NR5A2: variants seen among roughly 807,000 people sequenced by gnomAD.
The protein encoded by NR5A2 is CYP7A promoter-binding factor.
Under a neutral mutation model 62.7 loss-of-function variants are expected in NR5A2, and 26 were observed. That is an observed-to-expected ratio of 0.41 (90% CI 0.30 to 0.58). NR5A2 has a LOEUF of 0.58. NR5A2 is among the 20% of genes least tolerant of loss of function. NR5A2 has a pLI of 0.22. For missense variants in NR5A2, 541 were observed against 669.1 expected (o/e 0.81, Z 2.11); for synonymous variants, 246 against 241.7 (o/e 1.02, Z -0.16).
intron 5 of NR5A2, among the ~76,000 whole-genome samples, chr1:200,095,299 T>C (rs1665033925): frequency 6.6e-6 from 1 of 151,914 alleles, no homozygotes; most frequent in Non-Finnish European, 1.5e-5. Context: ...TTTTGAGTAA[T>C]TGAAATAGCA....
At chr1:200,036,165 C>A (rs530603267) in intron 1 of NR5A2, among the ~76,000 whole-genome samples, 1 of 152,196 alleles carries the variant, frequency 6.6e-6, no homozygotes, top group Non-Finnish European at 1.5e-5. Context: ...CCCGGTTCCA[C>A]CTACTTACAT....
At chr1:200,111,828 T>G (rs1179690708) in intron 6 of NR5A2, among the ~76,000 whole-genome samples, 2 of 152,118 alleles carry the variant, frequency 1.3e-5, no homozygotes, top group East Asian at 1.9e-4. Flanking sequence ...AAATGAAAGA[T>G]AGAGAGAATA....
intron 5 of NR5A2, among the ~76,000 whole-genome samples, chr1:200,096,519 A>AT (rs2102265189): frequency 6.6e-6 from 1 of 152,276 alleles, no homozygotes; most frequent in South Asian, 2.1e-4. Flanking sequence ...CTGTCTACAC[A>AT]AGCAGAAACT....
intron 7 of NR5A2, among the ~76,000 whole-genome samples, chr1:200,128,485 C>T (rs538012215): frequency 6.6e-6 from 1 of 152,292 alleles, no homozygotes; most frequent in African/African-American, 2.4e-5. Context: ...GGACCATTCA[C>T]TAGACATTAG....
intron 5 of NR5A2, chr1:200,058,381 A>G (rs558382583): frequency 1.3e-5 from 2 of 152,314 alleles, no homozygotes; most frequent in South Asian, 2.1e-4. Flanking sequence ...CCTCTTTACC[A>G]TATTCCAACA....
intron 7 of NR5A2, among the ~76,000 whole-genome samples, chr1:200,166,183 A>C (rs561057559): frequency 2.0e-5 from 3 of 152,306 alleles, no homozygotes; most frequent in African/African-American, 7.2e-5. Flanking sequence ...AGTGGTTTTC[A>C]AACATTTTTG....
chr1:200,155,681 T>A (rs7545191), intron 7 of NR5A2, among the ~76,000 whole-genome samples: 10,474 of 137,942 alleles, frequency 0.076, 414 homozygotes, highest in South Asian at 0.11. Flanking sequence ...AATAAAAAAA[T>A]TTTTTTTTTT....
chr1:200,161,026 G>C (rs1468990999), intron 7 of NR5A2, among the ~76,000 whole-genome samples: 1 of 151,886 alleles, frequency 6.6e-6, no homozygotes, highest in African/African-American at 2.4e-5. Flanking sequence ...AGGGAGGGCT[G>C]CTCTTTACGA....
chr1:200,034,572 T>C (rs1390568600), intron 1 of NR5A2, among the ~76,000 whole-genome samples: 2 of 105,996 alleles, frequency 1.9e-5, no homozygotes, highest in African/African-American at 7.5e-5. Context: ...CCTCCTTTCC[T>C]CTGGGGCAAG....
intron 5 of NR5A2, among the ~76,000 whole-genome samples, chr1:200,103,811 A>C (rs1665511551): frequency 6.6e-6 from 1 of 152,216 alleles, no homozygotes; most frequent in South Asian, 2.1e-4. Context: ...ATTTTCGAAG[A>C]GAAGTCTAGG....
chr1:200,031,571 CTTT>C (rs530174677), intron 1 of NR5A2, among the ~76,000 whole-genome samples: 1,408 of 89,490 alleles, frequency 0.016, 24 homozygotes, highest in African/African-American at 0.058. Context: ...TCTTTAACAC[CTTT>C]TTTTTTTTTT....
rs1411762345 is a variant in NR5A2, at chr1:200,120,843, C to T, written c.1266C>T (p.Ala422=). ...DYSIIASQAG[A]TLNNLMSHAQ... Reference sequence around the variant, plus strand: ...CCATAATAGCATCACAAGCCGGAGCCACCCTCAACAACCTCATGAGTCATG... The same window carrying T: ...CCATAATAGCATCACAAGCCGGAGCTACCCTCAACAACCTCATGAGTCATG... Residue 422 remains alanine (A), a synonymous_variant, in exon 7 of 8, where the codon GCC becomes GCT. Coordinates refer to ENST00000367362, the MANE Select transcript of NR5A2 (RefSeq NM_205860.3). 1.3e-6 allele frequency: 2 copies of T among 1,586,360 alleles called. No individual in the cohort carries two copies. Among genetic ancestry groups the T allele is most frequent in the Non-Finnish European group, 1.7e-6 (2 of 1,168,946 alleles).
intron 7 of NR5A2, among the ~76,000 whole-genome samples, chr1:200,137,680 G>T (rs1005938246): frequency 2.6e-5 from 4 of 152,076 alleles, no homozygotes; most frequent in African/African-American, 9.7e-5. Flanking sequence ...ATTTGTGTAC[G>T]TTTTTAAGTA....
rs16846101 is a variant in NR5A2 at position 200,141,934 on chromosome 1, C to T, written c.1378+20979C>T. On this transcript the variant is annotated intron_variant, in intron 7 of 7. Transcript: ENST00000367362. ...GGTGTCTGAGTATACCGGAAGTGCA[C>T]ATCCAATTAGAGGGCACTGAAGAAT... Among the ~76,000 whole-genome samples the T allele has an allele frequency of 0.027, 4,039 of 152,204 alleles. 272 individuals carry two copies. In the East Asian group the frequency reaches 0.29, roughly 11 times the overall value.
chr1:200,173,363 T>C (rs1410247574), intron 7 of NR5A2, among the ~76,000 whole-genome samples: 1 of 152,220 alleles, frequency 6.6e-6, no homozygotes, highest in East Asian at 1.9e-4. Flanking sequence ...GTCACCAAGA[T>C]ATATATTTTA....
rs189343596 is a variant in NR5A2 at position 200,055,252 on chromosome 1, A to G, written c.1110+6434A>G. On this transcript the variant is annotated intron_variant, in intron 5 of 7. Coordinates refer to ENST00000367362, the MANE Select transcript of NR5A2 (RefSeq NM_205860.3). ...CTCTTGTTGCCCAGGCTGGAGTGCA[A>G]TGGTGCAATCTCAGCTCACTGCAAC... is the stretch of plus-strand genomic sequence containing the variant. Among the ~76,000 whole-genome samples the G allele has an allele frequency of 6.8e-3, 1,028 of 150,964 alleles. 8 individuals are homozygous for G. The highest frequency in any genetic ancestry group is 0.017 in the Middle Eastern group (5 of 288).
intron 7 of NR5A2, among the ~76,000 whole-genome samples, chr1:200,135,873 T>G (rs1337144612): frequency 6.6e-6 from 1 of 152,230 alleles, no homozygotes; most frequent in Non-Finnish European, 1.5e-5. Flanking sequence ...GAAATGCCTC[T>G]TCTCAGATAC....
At chr1:200,164,568 G>A (rs1285273636) in intron 7 of NR5A2, among the ~76,000 whole-genome samples, 1 of 131,338 alleles carries the variant, frequency 7.6e-6, no homozygotes, top group Admixed American at 7.6e-5. Flanking sequence ...TTTTTTTTGA[G>A]ACAGAGTCTT....
At chr1:200,151,668 C>G (rs906690519) in intron 7 of NR5A2, among the ~76,000 whole-genome samples, 1 of 152,204 alleles carries the variant, frequency 6.6e-6, no homozygotes, top group African/African-American at 2.4e-5. Flanking sequence ...GAGGCATTAT[C>G]ATGTTTCAAA....
Sources: allele counts gnomAD v4.1 joint callset (sites outside exome capture counted in the v4.1 genomes callset), GRCh38; gene constraint gnomAD v4.1.1; transcripts MANE v1.5; gene names NCBI Gene and HGNC (gene_info 2026-07-23, HGNC 2026-07-21).